The following MYO10 variants were observed in gnomAD, a reference collection of about 807,000 sequenced individuals.
The protein encoded by MYO10 is myosin X.
Under a neutral mutation model 257.3 loss-of-function variants are expected in MYO10, and 133 were observed. That is an observed-to-expected ratio of 0.52 (90% CI 0.45 to 0.60). The LOEUF is 0.60. Among genes scored for constraint, MYO10 ranks in the 20% least tolerant of loss-of-function variants. The pLI is 0.00. For missense variants in MYO10, 2,399 were observed against 2,635.7 expected, an observed-to-expected ratio of 0.91 and a Z score of 1.97; for synonymous variants, 1,104 against 1,028.6, an observed-to-expected ratio of 1.07 and a Z score of -1.40.
chr5:16,709,897 T>C (rs989362965), intron 21 of MYO10, among the ~76,000 whole-genome samples: 5 of 131,640 alleles, frequency 3.8e-5, no homozygotes, highest in Admixed American at 3.0e-4. Context: ...AGCAGGGAGG[T>C]AGTAGGTCCA....
chr5:16,675,891 T>C, intron 34 of MYO10, 140 bp downstream of exon 34: 1 of 1,035,912 alleles, frequency 9.7e-7, no homozygotes, highest in South Asian at 1.8e-5. Context: ...AATCTAAGTA[T>C]ATTTCATCTT....
At chr5:16,868,342 T>C (rs996659189) in intron 2 of MYO10, among the ~76,000 whole-genome samples, 5 of 152,170 alleles carry the variant, frequency 3.3e-5, no homozygotes, top group Admixed American at 2.0e-4. Flanking sequence ...CGGTGGCTCA[T>C]GTCTGTAATC....
chr5:16,799,456 C>CCT (rs921052612), intron 3 of MYO10, among the ~76,000 whole-genome samples: 1 of 152,018 alleles, frequency 6.6e-6, no homozygotes, highest in African/African-American at 2.4e-5. Context: ...GTCCACAGGT[C>CCT]CTCTTCCACC....
At chr5:16,813,299 C>A (rs547946074) in intron 3 of MYO10, among the ~76,000 whole-genome samples, 1 of 152,190 alleles carries the variant, frequency 6.6e-6, no homozygotes, top group East Asian at 1.9e-4. Context: ...GAGGGAGGAT[C>A]ACTTGAGCCC....
At chr5:16,704,458 G>A in intron 22 of MYO10, 121 bp downstream of exon 22, 1 of 760,996 alleles carries the variant, frequency 1.3e-6, no homozygotes, top group Non-Finnish European at 2.1e-6. Flanking sequence ...GGCTGCTTAG[G>A]AGGCCTGACC....
chr5:16,796,432 A>AAAGACG (rs1741964694), intron 3 of MYO10, among the ~76,000 whole-genome samples: 3 of 56,382 alleles, frequency 5.3e-5, no homozygotes, highest in South Asian at 1.1e-3. Context: ...AAAAAGAAAG[A>AAAGACG]AAAGAAAGAC....
intron 19 of MYO10, among the ~76,000 whole-genome samples, chr5:16,748,621 AGAGGGAGGGAGGGAGG>A (rs34338717): frequency 7.4e-6 from 1 of 135,400 alleles, no homozygotes; most frequent in Non-Finnish European, 1.6e-5. Flanking sequence ...AGAGAGGGAG[AGAGGGAGGGAGGGAGG>A]GAGGGAGAAA....
rs746366806 is a variant in MYO10 at position 16,809,167 on chromosome 5, G to GATGGA, written c.279+8841_279+8842insTCCAT. ...TGGCTACGAGTCTTGATTTCATGTG[G>GATGGA]AAAAAAAAAAAAGCCAAAAAAACCC... On this transcript the variant is annotated intron_variant, in intron 3 of 40. Coordinates refer to ENST00000513610, the MANE Select transcript of MYO10 (RefSeq NM_012334.3). Among the ~76,000 whole-genome samples the GATGGA allele has an allele frequency of 3.8e-3, 536 of 142,824 alleles. 4 individuals are homozygous for GATGGA. The highest frequency in any genetic ancestry group is 0.019 in the Middle Eastern group (5 of 268). The allele number at this position is 142,824 out of a possible 152,430, so 93.7% of individuals were successfully genotyped here.
intron 3 of MYO10, among the ~76,000 whole-genome samples, chr5:16,807,437 C>A (rs1175821687): frequency 2.0e-5 from 3 of 152,106 alleles, no homozygotes; most frequent in South Asian, 4.1e-4. Context: ...CACACAGTAA[C>A]CCCTCCTAAC....
Position 16,766,298 on chromosome 5 carries a change from G to A in MYO10, c.1061-100C>T, listed in dbSNP as rs181399954. The A allele has an allele frequency of 8.0e-4, 670 of 840,040 alleles. 9 individuals carry two copies. The East Asian group carries it at 0.015, about 19-fold the overall frequency. 52.0% of individuals were successfully genotyped at this position (840,040 alleles called of 1,614,324 possible). On this transcript the variant is annotated intron_variant, in intron 10 of 40. Transcript: ENST00000513610. The stretch of plus-strand genomic sequence containing the variant: ...CAGAGAACACACCTGAATCCCTCAC[G>A]CAGAGTTTAGAGATTGCATGTTATT...
chr5:16,894,762 A>G (rs943743479), intron 1 of MYO10, among the ~76,000 whole-genome samples: 2 of 152,192 alleles, frequency 1.3e-5, no homozygotes, highest in Non-Finnish European at 2.9e-5. Flanking sequence ...ATGTGGGGAT[A>G]CACAGAGGAC....
intron 5 of MYO10, 127 bp downstream of exon 5, chr5:16,783,208 A>C (rs1741473611): frequency 2.1e-6 from 2 of 970,174 alleles, no homozygotes; most frequent in Non-Finnish European, 3.0e-6. Context: ...ACCTTTTCTT[A>C]AGGAATTGTA....
intron 24 of MYO10, 56 bp downstream of exon 24, chr5:16,702,487 T>C: frequency 6.8e-7 from 1 of 1,480,672 alleles, no homozygotes; most frequent in Non-Finnish European, 9.2e-7. Context: ...GTCCAAGCAT[T>C]AGAAGTGGGA....
intron 18 of MYO10, among the ~76,000 whole-genome samples, chr5:16,757,289 C>A (rs1740557483): frequency 8.5e-6 from 1 of 117,952 alleles, no homozygotes; most frequent in African/African-American, 3.4e-5. Flanking sequence ...GACCCTGTCT[C>A]ACACACACAC....
chr5:16,816,349 A>C (rs1425445570), intron 3 of MYO10, among the ~76,000 whole-genome samples: 1 of 151,008 alleles, frequency 6.6e-6, no homozygotes, highest in East Asian at 1.9e-4. Context: ...AAAAAAAAAA[A>C]AAAAGGCAAA....
intron 1 of MYO10, among the ~76,000 whole-genome samples, chr5:16,901,134 C>G (rs1304473549): frequency 2.6e-5 from 4 of 152,122 alleles, no homozygotes; most frequent in East Asian, 3.9e-4. Flanking sequence ...TCTCAGCCCC[C>G]CTCTCCCGAG....
intron 19 of MYO10, among the ~76,000 whole-genome samples, chr5:16,752,344 G>A (rs1469350161): frequency 2.6e-5 from 4 of 152,080 alleles, no homozygotes; most frequent in East Asian, 1.9e-4. Flanking sequence ...GTGCAGTGGC[G>A]TGATCTCGGC....
chr5:16,901,874 A>C (rs562145479), intron 1 of MYO10, among the ~76,000 whole-genome samples: 1 of 152,308 alleles, frequency 6.6e-6, no homozygotes, highest in African/African-American at 2.4e-5. Flanking sequence ...GAGCCAGACC[A>C]TCATGAAGCC....
At chr5:16,880,661 CA>C (rs1744732955) in intron 1 of MYO10, among the ~76,000 whole-genome samples, 2 of 152,188 alleles carry the variant, frequency 1.3e-5, no homozygotes, top group South Asian at 4.1e-4. Context: ...ACAGCACCAA[CA>C]GGGGCCAGTA....
Sources: gnomAD v4.1 joint callset for allele counts (sites outside exome capture counted in the v4.1 genomes callset) on GRCh38, gnomAD v4.1.1 for gene constraint, MANE v1.5 for transcripts, NCBI Gene and HGNC (gene_info 2026-07-23, HGNC 2026-07-21) for gene names.